Variants in TNR observed in about 807,000 individuals in gnomAD.
TNR encodes the protein tenascin R, also known as tenascin-R.
Under a neutral mutation model 150.4 loss-of-function variants are expected in TNR, and 45 were observed. The ratio of observed to expected loss-of-function variants is 0.30; its 90% CI spans 0.24 to 0.38. The LOEUF is 0.38. TNR is among the 10% of genes least tolerant of loss of function. The pLI, the probability that TNR is intolerant of heterozygous loss-of-function variation, is 1.00. For synonymous variants in TNR, 687 were observed against 678.4 expected (o/e 1.01, Z -0.20); for missense variants, 1,544 against 1,759.1 (o/e 0.88, Z 2.19).
intron 2 of TNR, among the ~76,000 whole-genome samples, chr1:175,502,478 A>G (rs938003125): frequency 2.6e-5 from 4 of 152,078 alleles, no homozygotes; most frequent in African/African-American, 9.7e-5. Context: ...CCTCAAATTG[A>G]CACAATTCTG....
At chr1:175,604,585 A>G (rs1390114242) in intron 1 of TNR, among the ~76,000 whole-genome samples, 1 of 152,188 alleles carries the variant, frequency 6.6e-6, no homozygotes, top group Non-Finnish European at 1.5e-5. Flanking sequence ...GCAGAGACAG[A>G]CTGGCTGACT....
Position 175,406,306 on chromosome 1 carries a change from G to A in TNR, c.409C>T (p.Leu137=), listed in dbSNP as rs1321709390. Residue 137 remains leucine, a synonymous_variant, in exon 3 of 23, where the codon CTG becomes TTG. Coordinates refer to ENST00000367674, the MANE Select transcript of TNR (RefSeq NM_003285.3). ...CASSAQVLQE[L]LSRIEMLERE... is the part of the protein sequence containing the mutation. ...TCCAGCATCTCGATCCGGCTCAGCA[G>A]CTCCTGCAGCACCTGGGCTGAACTG... 1 of 1,614,142 alleles carries A rather than the reference G, an allele frequency of 6.2e-7. No individual in the cohort carries two copies. Among genetic ancestry groups the A allele is most frequent in the South Asian group, 1.1e-5 (1 of 91,076 alleles).
chr1:175,494,955 G>A (rs1658422494), intron 2 of TNR, among the ~76,000 whole-genome samples: 1 of 152,196 alleles, frequency 6.6e-6, no homozygotes, highest in Admixed American at 6.5e-5. Context: ...AAACGGGTCG[G>A]TCATGGTCCT....
chr1:175,558,903 G>A (rs1043849074), intron 1 of TNR, among the ~76,000 whole-genome samples: 8 of 152,198 alleles, frequency 5.3e-5, no homozygotes, highest in Admixed American at 6.5e-5. Flanking sequence ...TACCAAGAGC[G>A]AATCCTAGTG....
chr1:175,378,677 C>T (rs537595471), intron 9 of TNR, among the ~76,000 whole-genome samples: 8 of 152,268 alleles, frequency 5.3e-5, no homozygotes, highest in African/African-American at 1.2e-4. Context: ...GGAGGGAAAA[C>T]GTATTTGAGA....
intron 2 of TNR, among the ~76,000 whole-genome samples, chr1:175,455,724 A>T (rs913909732): frequency 2.6e-5 from 4 of 152,170 alleles, no homozygotes; most frequent in Non-Finnish European, 5.9e-5. Flanking sequence ...GAGAGGCAAG[A>T]ACTTGAGGTT....
In TNR at chr1:175,598,508, A is replaced by T. The variant is rs115123230; in HGVS notation, c.-164-70139T>A. 4.7e-3 allele frequency among the ~76,000 whole-genome samples: 717 copies of T among 152,358 alleles called. 2 individuals are homozygous for T. The highest frequency in any genetic ancestry group is 0.016 in the African/African-American group (672 of 41,590). On this transcript the variant is annotated intron_variant, in intron 1 of 22. Transcript: ENST00000367674. ...TTATAGTTTTCAGCAAGCATGTTTTAGTTACCAAAGCCTTGGACGTGGGCA... is the reference window on the plus strand; with the variant it reads ...TTATAGTTTTCAGCAAGCATGTTTTTGTTACCAAAGCCTTGGACGTGGGCA...
intron 1 of TNR, among the ~76,000 whole-genome samples, chr1:175,572,931 T>G (rs1174833128): frequency 6.6e-6 from 1 of 152,016 alleles, no homozygotes; most frequent in Non-Finnish European, 1.5e-5. Context: ...CCCAGGTGAC[T>G]TTCTTTTTCG....
At chr1:175,372,319 A>C (rs1365946555) in intron 9 of TNR, among the ~76,000 whole-genome samples, 1 of 152,242 alleles carries the variant, frequency 6.6e-6, no homozygotes, top group Non-Finnish European at 1.5e-5. Flanking sequence ...GGACCAAAGC[A>C]GAGGCTGCTA....
chr1:175,689,145 C>A (rs1035616025), intron 1 of TNR, among the ~76,000 whole-genome samples: 1 of 152,188 alleles, frequency 6.6e-6, no homozygotes, highest in Non-Finnish European at 1.5e-5. Flanking sequence ...TCATGTGAAG[C>A]CCAGAGAGGA....
chr1:175,323,137 G>A lies in TNR; in HGVS notation c.*220C>T. The stretch of plus-strand genomic sequence containing the variant: ...GGTGGGAAAGGAGGTGAAGGTTGAG[G>A]AGGCCTGGGTAGGAGGGAGAATGGA... On this transcript the variant is annotated 3_prime_UTR_variant, in exon 23 of 23. Transcript: ENST00000367674. 2.1e-6 allele frequency: 1 copy of A among 477,172 alleles called. No homozygotes were observed. The highest frequency in any genetic ancestry group is 3.6e-6 in the Non-Finnish European group (1 of 278,968). The allele number at this position is 477,172 out of a possible 1,614,324, so 29.6% of individuals were successfully genotyped here.
chr1:175,416,964 C>T (rs550636482), intron 2 of TNR, among the ~76,000 whole-genome samples: 45 of 139,556 alleles, frequency 3.2e-4, no homozygotes, highest in African/African-American at 7.0e-4. Context: ...GCCAAGATTG[C>T]GCCACTGCAC....
At chr1:175,569,267 C>T (rs979667642) in intron 1 of TNR, among the ~76,000 whole-genome samples, 3 of 152,168 alleles carry the variant, frequency 2.0e-5, no homozygotes, top group East Asian at 1.9e-4. Context: ...TCTTCAAGAG[C>T]GCTTCAAGAG....
intron 1 of TNR, among the ~76,000 whole-genome samples, chr1:175,630,860 C>T (rs1571694328): frequency 6.6e-6 from 1 of 152,024 alleles, no homozygotes; most frequent in Non-Finnish European, 1.5e-5. Context: ...AGGCTGAATT[C>T]GCACCAAACA....
intron 19 of TNR, 138 bp downstream of exon 19, chr1:175,337,390 A>G: frequency 1.0e-6 from 1 of 975,028 alleles, no homozygotes; most frequent in East Asian, 2.4e-5. Flanking sequence ...GAGGGCAATG[A>G]GGAGCCCCAA....
At chr1:175,708,987 G>GAGCACTGGGGTCCTTCA (rs150153903) in intron 1 of TNR, among the ~76,000 whole-genome samples, 14,890 of 151,978 alleles carry the variant, frequency 0.098, 2,131 homozygotes, top group African/African-American at 0.31. Context: ...CCCACGTGGC[G>GAGCACTGGGGTCCTTCA]AGCATGTTAT....
At chr1:175,353,923 G>T (rs560415240) in intron 18 of TNR, among the ~76,000 whole-genome samples, 2,977 of 151,000 alleles carry the variant, frequency 0.02, 106 homozygotes, top group African/African-American at 0.069. Context: ...TCAGCTCACT[G>T]CAACCTCTGC....
chr1:175,642,512 A>T (rs529507941), intron 1 of TNR, among the ~76,000 whole-genome samples: 1 of 152,198 alleles, frequency 6.6e-6, no homozygotes, highest in Non-Finnish European at 1.5e-5. Flanking sequence ...TCATAGTTAC[A>T]GTCTATGTCA....
intron 1 of TNR, among the ~76,000 whole-genome samples, chr1:175,699,540 A>C (rs2101925675): frequency 6.6e-6 from 1 of 152,256 alleles, no homozygotes; most frequent in East Asian, 1.9e-4. Context: ...AGATGATAAT[A>C]ATCAGTGAGG....
Sources: gnomAD v4.1 joint callset for allele counts (sites outside exome capture counted in the v4.1 genomes callset) on GRCh38, gnomAD v4.1.1 for gene constraint, MANE v1.5 for transcripts, NCBI Gene and HGNC (gene_info 2026-07-23, HGNC 2026-07-21) for gene names.